Variants in MOXD1 observed in about 807,000 individuals in gnomAD.
MOXD1 encodes monooxygenase DBH like 1, also known as DBH-like monooxygenase protein 1.
In MOXD1, 62 loss-of-function variants were observed where a neutral mutation model predicts 66.6. The ratio of observed to expected loss-of-function variants is 0.93; its 90% CI spans 0.76 to 1.15. The LOEUF (loss-of-function observed/expected upper bound fraction) is 1.15. MOXD1 is among the 50% of genes most tolerant of loss of function. MOXD1 has a pLI of 0.00. For missense variants in MOXD1, 847 were observed against 754.6 expected (o/e 1.12, Z -1.44); for synonymous variants, 303 against 281.9 (o/e 1.07, Z -0.75).
chr6:132,378,815 G>A (rs2114672214), intron 1 of MOXD1, among the ~76,000 whole-genome samples: 1 of 141,198 alleles, frequency 7.1e-6, no homozygotes, highest in African/African-American at 2.5e-5. Flanking sequence ...ATTTAAGGAA[G>A]AGGTAATACC....
At chr6:132,340,540 A>C (rs1253570359) in intron 4 of MOXD1, among the ~76,000 whole-genome samples, 1 of 151,358 alleles carries the variant, frequency 6.6e-6, no homozygotes, top group African/African-American at 2.4e-5. Context: ...AAGCATTCCC[A>C]AAATAACTAA....
chr6:132,326,845 T>C (rs760513425), intron 6 of MOXD1, among the ~76,000 whole-genome samples: 30 of 152,212 alleles, frequency 2.0e-4, no homozygotes, highest in Non-Finnish European at 3.4e-4. Context: ...TGACACCTAC[T>C]TTTATAGAAA....
chr6:132,353,707 G>T (rs1167949957), intron 4 of MOXD1, among the ~76,000 whole-genome samples: 1 of 152,050 alleles, frequency 6.6e-6, no homozygotes, highest in Non-Finnish European at 1.5e-5. Context: ...GGATGTCGAG[G>T]TCTCTAGCTA....
intron 6 of MOXD1, among the ~76,000 whole-genome samples, chr6:132,326,009 T>G (rs1775180356): frequency 6.6e-6 from 1 of 152,242 alleles, no homozygotes; most frequent in South Asian, 2.1e-4. Context: ...AATTTTGTTT[T>G]GTATTTTATA....
Position 132,315,747 on chromosome 6 carries a change from G to C in MOXD1, c.1396C>G (p.Leu466Val), listed in dbSNP as rs1447985840. Reference protein sequence around the residue: ...GGLSTRSEMCLSYLLYYPRIN... With the variant: ...GGLSTRSEMCVSYLLYYPRIN... ...CTTGGGTAATAAAGAAGGTATGAGA[G>C]ACACATTTCACTCCTGGTGCTTAGT... Residue 466 changes from leucine (L) to valine (V), a missense_variant, in exon 10 of 12, where the codon CTC becomes GTC. Leu to Val is a conservative substitution (Grantham distance 32). Transcript: ENST00000367963. 6.2e-7 allele frequency: 1 copy of C among 1,613,504 alleles called. No individual in the cohort carries two copies. The highest frequency in any genetic ancestry group is 8.5e-7 in the Non-Finnish European group (1 of 1,179,634).
chr6:132,353,709 C>G (rs1463072201), intron 4 of MOXD1, among the ~76,000 whole-genome samples: 1 of 152,208 alleles, frequency 6.6e-6, no homozygotes, highest in East Asian at 1.9e-4. Flanking sequence ...ATGTCGAGGT[C>G]TCTAGCTAGG....
At chr6:132,300,290 C>T (rs1217839710) in intron 10 of MOXD1, among the ~76,000 whole-genome samples, 1 of 151,986 alleles carries the variant, frequency 6.6e-6, no homozygotes, top group Admixed American at 6.6e-5. Flanking sequence ...GAGACACAAT[C>T]CAGAATTAGT....
At chr6:132,314,340 C>T (rs1027417139) in intron 10 of MOXD1, among the ~76,000 whole-genome samples, 2 of 152,348 alleles carry the variant, frequency 1.3e-5, no homozygotes, top group East Asian at 3.9e-4. Context: ...CATCCCTCAA[C>T]TAGACAATCA....
intron 4 of MOXD1, among the ~76,000 whole-genome samples, chr6:132,366,611 G>A (rs972826727): frequency 1.3e-5 from 2 of 152,098 alleles, no homozygotes; most frequent in South Asian, 2.1e-4. Flanking sequence ...CATGTAGTTT[G>A]ACATTGAGAA....
chr6:132,341,131 T>G (rs1048506183), intron 4 of MOXD1, among the ~76,000 whole-genome samples: 8 of 152,232 alleles, frequency 5.3e-5, no homozygotes, highest in African/African-American at 1.7e-4. Context: ...TGTTGAAATT[T>G]AATCATCAAT....
At position 132,384,285 on chromosome 6, in the gene MOXD1, C is replaced by CCTTCCTTCCTT. The variant is rs988203505; in HGVS notation, c.265-9509_265-9508insAAGGAAGGAAG. On this transcript the variant is annotated intron_variant, in intron 1 of 11. Transcript: ENST00000367963. ...TCCTTCCTTCCTTCCTTCCTTCCTT[C>CCTTCCTTCCTT]CTTCCTCCTTCCTTCCTCCCTCCCT... Among the ~76,000 whole-genome samples, 43 of 94,978 alleles carry CCTTCCTTCCTT rather than the reference C, an allele frequency of 4.5e-4. No individual in the cohort carries two copies. In the East Asian group the frequency reaches 0.024, roughly 52 times the overall value. The allele number at this position is 94,978 out of a possible 152,430, so 62.3% of individuals were successfully genotyped here.
At chr6:132,328,317 G>A in intron 5 of MOXD1, 98 bp downstream of exon 5, 1 of 1,447,926 alleles carries the variant, frequency 6.9e-7, no homozygotes, top group Non-Finnish European at 9.3e-7. Context: ...ATCAAAAGTA[G>A]CGTTAAAGCT....
chr6:132,323,354 T>C (rs956431868), intron 7 of MOXD1, among the ~76,000 whole-genome samples: 1 of 152,306 alleles, frequency 6.6e-6, no homozygotes, highest in Middle Eastern at 3.4e-3. Flanking sequence ...CAGAAGAGCA[T>C]AATCTTTCCA....
At chr6:132,387,265 C>T (rs1042420468) in intron 1 of MOXD1, among the ~76,000 whole-genome samples, 1 of 151,322 alleles carries the variant, frequency 6.6e-6, no homozygotes, top group Admixed American at 6.6e-5. Context: ...ATAGCTAATA[C>T]GTAGAGCTTT....
chr6:132,297,188 G>A lies in MOXD1; in HGVS notation c.1807C>T (p.Leu603=). 6.2e-7 allele frequency: 1 copy of A among 1,613,546 alleles called. No individual in the cohort carries two copies. The highest frequency in any genetic ancestry group is 8.5e-7 in the Non-Finnish European group (1 of 1,179,632). ...TTGGTGCTCAGCGTGCAGCTGAGTA[G>A]CAGAAGGCAAACAAGCAAGTTGATG... ...FSINLLVCLL[L]LSCTLSTKSL is the part of the protein sequence containing the mutation. The change falls in exon 12 of 12, where the codon CTA becomes TTA. Residue 603 remains leucine, a synonymous_variant. Transcript: ENST00000367963.
At chr6:132,380,110 T>A (rs771973977) in intron 1 of MOXD1, among the ~76,000 whole-genome samples, 6 of 152,238 alleles carry the variant, frequency 3.9e-5, no homozygotes, top group Non-Finnish European at 7.3e-5. Context: ...CCCCTGCTTC[T>A]ATCAAGTCTT....
chr6:132,347,479 C>T (rs1775690135), intron 4 of MOXD1, among the ~76,000 whole-genome samples: 1 of 152,020 alleles, frequency 6.6e-6, no homozygotes, highest in Non-Finnish European at 1.5e-5. Flanking sequence ...AAGTTAGAGA[C>T]CAGCCTGGCC....
intron 6 of MOXD1, among the ~76,000 whole-genome samples, chr6:132,327,152 T>G (rs1043029486): frequency 6.6e-6 from 1 of 152,232 alleles, no homozygotes; most frequent in Non-Finnish European, 1.5e-5. Flanking sequence ...TGAAGACTTT[T>G]TAGCCCATCC....
chr6:132,345,142 T>C (rs1775645791), intron 4 of MOXD1, among the ~76,000 whole-genome samples: 1 of 152,234 alleles, frequency 6.6e-6, no homozygotes, highest in African/African-American at 2.4e-5. Flanking sequence ...AAAAACATCT[T>C]GTGTCATTTC....
Sources: gnomAD v4.1 joint callset for allele counts (sites outside exome capture counted in the v4.1 genomes callset) on GRCh38, gnomAD v4.1.1 for gene constraint, MANE v1.5 for transcripts, NCBI Gene and HGNC (gene_info 2026-07-23, HGNC 2026-07-21) for gene names.